The following ZFAT variants were observed in gnomAD, a reference collection of about 807,000 sequenced individuals.
ZFAT encodes zinc finger protein ZFAT.
Under a neutral mutation model 117.7 loss-of-function variants are expected in ZFAT, and 64 were observed. The ratio of observed to expected loss-of-function variants is 0.54; its 90% CI spans 0.44 to 0.67. The LOEUF is 0.67. ZFAT is among the 30% of genes least tolerant of loss of function. The pLI is 0.00. For missense variants in ZFAT, 1,433 were observed against 1,584.5 expected, an observed-to-expected ratio of 0.90 and a Z score of 1.62; for synonymous variants, 679 against 615.0, an observed-to-expected ratio of 1.10 and a Z score of -1.54.
chr8:134,536,756 A>G (rs1211328102), intron 11 of ZFAT, among the ~76,000 whole-genome samples: 2 of 152,228 alleles, frequency 1.3e-5, no homozygotes, highest in African/African-American at 2.4e-5. Flanking sequence ...CCCTAAATAT[A>G]TACAGGTTTT....
chr8:134,772,551 T>G, the ZFAT span, among the ~76,000 whole-genome samples: 13 of 152,206 alleles, frequency 8.5e-5, no homozygotes, highest in African/African-American at 2.9e-4. Context: ...AGCAGAGGTT[T>G]GTTAATGAGG....
At chr8:134,608,312 A>T (rs1323946994) in intron 5 of ZFAT, among the ~76,000 whole-genome samples, 1 of 152,262 alleles carries the variant, frequency 6.6e-6, no homozygotes. Context: ...CATATGGGAC[A>T]TGTGAGCCTT....
intron 5 of ZFAT, among the ~76,000 whole-genome samples, chr8:134,605,720 G>A (rs1827840428): frequency 6.6e-6 from 1 of 152,164 alleles, no homozygotes; most frequent in Non-Finnish European, 1.5e-5. Context: ...GCTGTTCGAA[G>A]GTACCAACAT....
At chr8:134,598,870 T>G (rs143896743) in intron 7 of ZFAT, 44 of 152,338 alleles carry the variant, frequency 2.9e-4, no homozygotes, top group African/African-American at 9.9e-4. Context: ...ATGGGTAAAC[T>G]GAGGCAAATA....
At chr8:134,621,012 G>T (rs1349369608) in intron 3 of ZFAT, among the ~76,000 whole-genome samples, 2 of 151,978 alleles carry the variant, frequency 1.3e-5, no homozygotes, top group African/African-American at 2.4e-5. Flanking sequence ...TAATTCTAAG[G>T]TAGTATTTTG....
chr8:134,703,408 C>T (rs1009458541), intron 1 of ZFAT, among the ~76,000 whole-genome samples: 4 of 152,228 alleles, frequency 2.6e-5, no homozygotes, highest in African/African-American at 9.6e-5. Context: ...ATGCCTAATT[C>T]CTGGGAGTAC....
intron 1 of ZFAT, among the ~76,000 whole-genome samples, chr8:134,689,135 A>G (rs1833476862): frequency 6.6e-6 from 1 of 152,066 alleles, no homozygotes; most frequent in Non-Finnish European, 1.5e-5. Flanking sequence ...ACCATAATAC[A>G]CGCCCACCAG....
the ZFAT span, among the ~76,000 whole-genome samples, chr8:134,724,876 G>T: frequency 0.019 from 2,933 of 152,164 alleles, 79 homozygotes; most frequent in African/African-American, 0.066. Context: ...CTCCCTTTGC[G>T]AACTGAAGTC....
upstream of ZFAT, among the ~76,000 whole-genome samples, chr8:134,716,818 G>T (rs774877932): frequency 1.3e-5 from 2 of 152,122 alleles, no homozygotes; most frequent in Non-Finnish European, 2.9e-5. Context: ...TCAAAGAAAG[G>T]GTCAAAATAG....
chr8:134,707,426 G>T (rs1029476339), intron 1 of ZFAT, among the ~76,000 whole-genome samples: 1 of 151,748 alleles, frequency 6.6e-6, no homozygotes, highest in Non-Finnish European at 1.5e-5. Flanking sequence ...CAGCCTAATA[G>T]TAAAAAAAAA....
At chr8:134,762,682 A>G in the ZFAT span, among the ~76,000 whole-genome samples, 5 of 152,190 alleles carry the variant, frequency 3.3e-5, no homozygotes, top group African/African-American at 7.2e-5. Context: ...TCAAATTTAT[A>G]TCTTCAGATT....
chr8:134,725,936 A>T, the ZFAT span, among the ~76,000 whole-genome samples: 1 of 152,144 alleles, frequency 6.6e-6, no homozygotes, highest in Non-Finnish European at 1.5e-5. Flanking sequence ...TCATTCATTC[A>T]TTCTATCAAT....
the ZFAT span, among the ~76,000 whole-genome samples, chr8:134,817,433 A>ACACC: frequency 7.9e-6 from 1 of 126,352 alleles, no homozygotes; most frequent in East Asian, 2.0e-4. Context: ...ACACACACAC[A>ACACC]CACAACGCAC....
intron 2 of ZFAT, among the ~76,000 whole-genome samples, chr8:134,641,403 C>G (rs1012597845): frequency 6.6e-6 from 1 of 152,172 alleles, no homozygotes; most frequent in African/African-American, 2.4e-5. Context: ...CCTTCACTAC[C>G]AATCAGAGAC....
the ZFAT span, among the ~76,000 whole-genome samples, chr8:134,730,456 G>C: frequency 1.3e-5 from 2 of 152,186 alleles, no homozygotes; most frequent in Non-Finnish European, 2.9e-5. Flanking sequence ...TCACAAGAGA[G>C]ACCTTTATCA....
intron 3 of ZFAT, among the ~76,000 whole-genome samples, chr8:134,621,345 T>C (rs1436557523): frequency 6.6e-6 from 1 of 152,122 alleles, no homozygotes; most frequent in East Asian, 1.9e-4. Context: ...ACTATACTAT[T>C]AATACTATTA....
At chr8:134,560,552 G>A (rs995534295) in intron 11 of ZFAT, among the ~76,000 whole-genome samples, 6 of 152,210 alleles carry the variant, frequency 3.9e-5, no homozygotes, top group African/African-American at 1.4e-4. Context: ...GGGGTCCAAA[G>A]GAGCCAAATG....
intron 1 of ZFAT, among the ~76,000 whole-genome samples, chr8:134,700,378 C>G (rs1833977650): frequency 6.6e-6 from 1 of 152,184 alleles, no homozygotes; most frequent in African/African-American, 2.4e-5. Flanking sequence ...GAGAGAAAGG[C>G]AGGCTAGATG....
chr8:134,721,566 G>C, the ZFAT span, among the ~76,000 whole-genome samples: 1 of 152,190 alleles, frequency 6.6e-6, no homozygotes, highest in African/African-American at 2.4e-5. Flanking sequence ...CCATTTCTCA[G>C]AGATGCCAAG....
Sources: gnomAD v4.1 joint callset for allele counts (sites outside exome capture counted in the v4.1 genomes callset) on GRCh38, gnomAD v4.1.1 for gene constraint, MANE v1.5 for transcripts, NCBI Gene and HGNC (gene_info 2026-07-23, HGNC 2026-07-21) for gene names.